Variants in ZNF480 observed in about 807,000 individuals in gnomAD.
The protein encoded by ZNF480 is zinc finger protein 480.
Under a neutral mutation model 14.4 loss-of-function variants are expected in ZNF480, and 15 were observed. That is an observed-to-expected ratio of 1.04 (90% CI 0.70 to 1.60). ZNF480 has a LOEUF of 1.60. Ranked by LOEUF, ZNF480 falls within the 40% of genes most tolerant of loss-of-function variation. The pLI, the probability that ZNF480 is intolerant of heterozygous loss-of-function variation, is 0.00. For synonymous variants in ZNF480, 218 were observed against 215.5 expected (o/e 1.01, Z -0.10); for missense variants, 593 against 629.7 (o/e 0.94, Z 0.62).
At chr19:52,300,613 C>T (rs530710990) in intron 2 of ZNF480, 129 bp downstream of exon 2, 18 of 1,506,228 alleles carry the variant, frequency 1.2e-5, no homozygotes, top group South Asian at 1.2e-5. Context: ...CCTATGCCTT[C>T]CCTCAGTGCC....
At position 52,297,228 on chromosome 19, in the gene ZNF480, G is replaced by T. The variant is rs1363653198; in HGVS notation, c.-20+5G>T. 3 of 445,564 alleles carry T rather than the reference G, an allele frequency of 6.7e-6. No homozygotes were observed. Among genetic ancestry groups the T allele is most frequent in the Non-Finnish European group, 1.3e-5 (3 of 222,630 alleles). 27.6% of individuals were successfully genotyped at this position (445,564 alleles called of 1,614,324 possible). Reference sequence around the variant, plus strand: ...GTGAAGGTCACGCCGCGGCGCGTGAGTTTCCCTTTGTGTAAATTAATCTGC... The same window carrying T: ...GTGAAGGTCACGCCGCGGCGCGTGATTTTCCCTTTGTGTAAATTAATCTGC... On this transcript the variant is annotated splice_donor_5th_base_variant and intron_variant, in intron 1 of 4. Coordinates refer to ENST00000595962, the MANE Select transcript of ZNF480 (RefSeq NM_144684.4).
intron 2 of ZNF480, among the ~76,000 whole-genome samples, chr19:52,309,308 C>G (rs1187885070): frequency 6.6e-6 from 1 of 152,160 alleles, no homozygotes; most frequent in Admixed American, 6.5e-5. Flanking sequence ...CCTCTCTGGG[C>G]TTTGCTTGTT....
At chr19:52,319,605 G>C (rs1313434490) in intron 4 of ZNF480, among the ~76,000 whole-genome samples, 1 of 152,042 alleles carries the variant, frequency 6.6e-6, no homozygotes, top group Non-Finnish European at 1.5e-5. Context: ...TTCTTGAATT[G>C]TATATTCAGG....
chr19:52,321,814 A>G lies in ZNF480; in HGVS notation c.564A>G (p.Ser188=). The G allele has an allele frequency of 6.2e-7, 1 of 1,613,852 alleles. No individual in the cohort carries two copies. The highest frequency in any genetic ancestry group is 8.5e-7 in the Non-Finnish European group (1 of 1,179,896). Residue 188 remains serine (S), a synonymous_variant, in exon 5 of 5, where the codon TCA becomes TCG. Transcript: ENST00000595962. ...IFNRNDFDDS[S]FLPQEQKVHL... Reference sequence around the variant, plus strand: ...ATAGGAATGATTTTGATGATTCTTCATTTCTCCCACAAGAACAGAAAGTAC... The same window carrying G: ...ATAGGAATGATTTTGATGATTCTTCGTTTCTCCCACAAGAACAGAAAGTAC...
chr19:52,299,824 G>A, intron 1 of ZNF480, among the ~76,000 whole-genome samples: 1 of 152,154 alleles, frequency 6.6e-6, no homozygotes, highest in East Asian at 1.9e-4. Context: ...CTCCCAAGTA[G>A]CTGGGATTAT....
intron 2 of ZNF480, among the ~76,000 whole-genome samples, chr19:52,310,300 GC>G (rs1380912189): frequency 1.3e-5 from 2 of 152,030 alleles, no homozygotes; most frequent in Non-Finnish European, 2.9e-5. Context: ...CAAGTGATCC[GC>G]CTGCGTTGGC....
At chr19:52,299,808 C>G (rs1482912800) in intron 1 of ZNF480, among the ~76,000 whole-genome samples, 1 of 152,202 alleles carries the variant, frequency 6.6e-6, no homozygotes, top group Non-Finnish European at 1.5e-5. Flanking sequence ...TTTCTCCTGC[C>G]TCAGCCTCCC....
At chr19:52,300,727 C>CAGAGCTG (rs1222797324) in intron 2 of ZNF480, 1 of 622,168 alleles carries the variant, frequency 1.6e-6, no homozygotes, top group East Asian at 2.8e-5. Flanking sequence ...CAACAGCCTT[C>CAGAGCTG]AGAGCTGAGA....
intron 2 of ZNF480, among the ~76,000 whole-genome samples, chr19:52,306,561 C>G (rs1263933325): frequency 1.3e-4 from 20 of 152,198 alleles, no homozygotes; most frequent in Non-Finnish European, 2.9e-5. Flanking sequence ...AGGAGTTAGA[C>G]AAGCTCAAGT....
rs980532167 is a variant in ZNF480 at position 52,324,987 on chromosome 19, C to T, written c.*2129C>T. 1.3e-5 allele frequency: 2 copies of T among 151,990 alleles called. No homozygotes were observed. The highest frequency in any genetic ancestry group is 1.9e-4 in the East Asian group (1 of 5,186). 9.4% of individuals were successfully genotyped at this position (151,990 alleles called of 1,614,324 possible). A position where few individuals can be genotyped will look rare whatever the true frequency, so the allele number is the denominator to read the frequency against. On this transcript the variant is annotated 3_prime_UTR_variant, in exon 5 of 5. Coordinates refer to ENST00000595962, the MANE Select transcript of ZNF480 (RefSeq NM_144684.4). ...AGCAAAAGAAGCTATTTGCAGACTACAGAATGGGAGAAAATGTTTACAAAC... is the reference window on the plus strand; with the variant it reads ...AGCAAAAGAAGCTATTTGCAGACTATAGAATGGGAGAAAATGTTTACAAAC...
intron 2 of ZNF480, 127 bp downstream of exon 2, chr19:52,300,611 T>C: frequency 3.3e-6 from 5 of 1,517,072 alleles, no homozygotes; most frequent in Non-Finnish European, 4.5e-6. Flanking sequence ...TACCTATGCC[T>C]TCCCTCAGTG....
intron 4 of ZNF480, 132 bp from the exon 5 acceptor site, chr19:52,321,447 G>C: frequency 1.3e-6 from 1 of 745,206 alleles, no homozygotes; most frequent in African/African-American, 1.8e-5. Flanking sequence ...AGCACAACCA[G>C]CGTGATGTAC....
Position 52,322,486 on chromosome 19 carries a change from A to G in ZNF480, c.1236A>G (p.Ser412=), listed in dbSNP as rs1983883726. The G allele has an allele frequency of 6.2e-7, 1 of 1,613,972 alleles. No homozygotes were observed. The highest frequency in any genetic ancestry group is 8.5e-7 in the Non-Finnish European group (1 of 1,179,908). Residue 412 remains serine, a synonymous_variant, in exon 5 of 5, where the codon TCA becomes TCG. Transcript: ENST00000595962. Reference sequence around the variant, plus strand: ...GTGGAAAAGTATTTAATCAACTTTCAAATCTTGCACGACATCGAAGAATTC... The same window carrying G: ...GTGGAAAAGTATTTAATCAACTTTCGAATCTTGCACGACATCGAAGAATTC... ...NECGKVFNQL[S]NLARHRRIHT... is the part of the protein sequence containing the mutation.
intron 2 of ZNF480, chr19:52,308,645 T>C (rs1327605633): frequency 6.6e-6 from 1 of 152,140 alleles, no homozygotes; most frequent in Non-Finnish European, 1.5e-5. Flanking sequence ...GCTAAACGCC[T>C]TTCCCAGTTT....
intron 1 of ZNF480, among the ~76,000 whole-genome samples, chr19:52,299,163 CT>C (rs1171311405): frequency 1.3e-5 from 2 of 152,130 alleles, no homozygotes; most frequent in African/African-American, 4.8e-5. Flanking sequence ...ACCCACTTTC[CT>C]TTTCCTGGGA....
rs764709355 is a variant in ZNF480, at chr19:52,322,552, A to G, written c.1302A>G (p.Lys434=). The G allele has an allele frequency of 3.7e-6, 6 of 1,613,670 alleles. No individual in the cohort carries two copies. Among genetic ancestry groups the G allele is most frequent in the Middle Eastern group, 1.6e-4 (1 of 6,062 alleles). ...CTTACAAATGTAATGAATGTGGTAA[A>G]GCATTTAGTGAGTATTCAGGCCTTT... The part of the protein sequence containing the change: ...EKPYKCNECG[K]AFSEYSGLSA... Residue 434 remains lysine (K), a synonymous_variant, in exon 5 of 5, where the codon AAA becomes AAG. Transcript: ENST00000595962.
intron 4 of ZNF480, among the ~76,000 whole-genome samples, chr19:52,321,338 T>A (rs1366951483): frequency 6.6e-6 from 1 of 152,158 alleles, no homozygotes; most frequent in African/African-American, 2.4e-5. Flanking sequence ...TCCTGTTCTA[T>A]CTCTCTACTC....
chr19:52,300,365 G>A, intron 1 of ZNF480, 29 bp from the exon 2 acceptor site: 1 of 1,607,246 alleles, frequency 6.2e-7, no homozygotes, highest in Non-Finnish European at 8.5e-7. Context: ...TTGATTCTAA[G>A]CCCTAAACAG....
chr19:52,306,843 G>A (rs547297559), intron 2 of ZNF480, among the ~76,000 whole-genome samples: 56 of 152,162 alleles, frequency 3.7e-4, no homozygotes, highest in Admixed American at 2.9e-3. Context: ...TGCTTGAGGC[G>A]CTGCTCGAAC....
Sources: gnomAD v4.1 joint callset for allele counts (sites outside exome capture counted in the v4.1 genomes callset) on GRCh38, gnomAD v4.1.1 for gene constraint, MANE v1.5 for transcripts, NCBI Gene and HGNC (gene_info 2026-07-23, HGNC 2026-07-21) for gene names.